The following GLI2 variants were observed in gnomAD, a reference collection of about 807,000 sequenced individuals.
The protein encoded by GLI2 is GLI family zinc finger 2, also known as transcription activator GLI2.
Under a neutral mutation model 78.9 loss-of-function variants are expected in GLI2, and 22 were observed. The ratio of observed to expected loss-of-function variants is 0.28; its 90% CI spans 0.20 to 0.40. GLI2 has a LOEUF of 0.40. GLI2 is among the 10% of genes least tolerant of loss of function. The probability of loss-of-function intolerance (pLI) is 1.00; values close to 1 mark genes in which losing one functional copy is unlikely to be tolerated. For missense variants in GLI2, 2,097 were observed against 2,213.2 expected, an observed-to-expected ratio of 0.95 and a Z score of 1.05; for synonymous variants, 974 against 963.7, an observed-to-expected ratio of 1.01 and a Z score of -0.20.
At chr2:120,972,817 T>A in intron 8 of GLI2, 1 of 444,966 alleles carries the variant, frequency 2.2e-6, no homozygotes, top group Non-Finnish European at 4.6e-6. Context: ...GCCTACCACG[T>A]GGCCCAGACC....
rs934354934 is a variant in GLI2 at position 120,985,507 on chromosome 2, G to A, written c.1905+764G>A. ...GGTCAAACAGAAAAATGTGGGTGGC[G>A]CCATGGACAACACCTAGAAGGTCCC... On this transcript the variant is annotated intron_variant, in intron 12 of 13. Transcript: ENST00000361492. Among the ~76,000 whole-genome samples the A allele has an allele frequency of 9.9e-5, 15 of 152,262 alleles. 1 individual carries two copies. The highest frequency in any genetic ancestry group is 6.2e-4 in the South Asian group (3 of 4,822).
At chr2:120,930,074 G>A (rs949266350) in intron 3 of GLI2, among the ~76,000 whole-genome samples, 2 of 152,216 alleles carry the variant, frequency 1.3e-5, no homozygotes, top group African/African-American at 4.8e-5. Context: ...CCCTGCACGG[G>A]ATGTTGGTCA....
intron 2 of GLI2, among the ~76,000 whole-genome samples, chr2:120,821,702 T>C (rs1342175404): frequency 6.6e-6 from 1 of 152,258 alleles, no homozygotes; most frequent in East Asian, 1.9e-4. Context: ...GACTATTACA[T>C]TGACTCAGAA....
Position 120,806,171 on chromosome 2 carries a change from A to G in GLI2, c.148+8703A>G, listed in dbSNP as rs58018929. Among the ~76,000 whole-genome samples, 611 of 152,162 alleles carry G rather than the reference A, an allele frequency of 4.0e-3. 5 individuals carry two copies. The highest frequency in any genetic ancestry group is 0.014 in the African/African-American group (577 of 41,520). On this transcript the variant is annotated intron_variant, in intron 2 of 13. Transcript: ENST00000361492. ...TTACTTGGGAGGGGGGGAAAGAGAT[A>G]ATTTATTTTATGTTTGTGGCCAGGT...
chr2:120,841,709 T>C (rs937916090), intron 2 of GLI2, among the ~76,000 whole-genome samples: 2 of 152,246 alleles, frequency 1.3e-5, no homozygotes, highest in African/African-American at 4.8e-5. Context: ...AGAGGAGAAC[T>C]GGACTTGCCT....
At chr2:120,837,532 A>G (rs996337873) in intron 2 of GLI2, among the ~76,000 whole-genome samples, 1 of 151,866 alleles carries the variant, frequency 6.6e-6, no homozygotes, top group Non-Finnish European at 1.5e-5. Context: ...AGTCGAGTGT[A>G]TGATTCTTTT....
intron 1 of GLI2, among the ~76,000 whole-genome samples, chr2:120,760,327 C>T (rs34698074): frequency 0.14 from 22,008 of 152,016 alleles, 1,617 homozygotes; most frequent in Middle Eastern, 0.21. Context: ...TGTGGGGGGT[C>T]CAAGGAGGTC....
intron 6 of GLI2, among the ~76,000 whole-genome samples, chr2:120,969,995 CAG>C (rs1468866259): frequency 1.3e-5 from 2 of 152,134 alleles, no homozygotes; most frequent in African/African-American, 2.4e-5. Context: ...CTGGGGGGCT[CAG>C]GGCAAGATTC....
intron 1 of GLI2, among the ~76,000 whole-genome samples, chr2:120,770,087 C>T (rs1307422259): frequency 2.6e-5 from 4 of 152,162 alleles, no homozygotes; most frequent in African/African-American, 9.7e-5. Flanking sequence ...TCACTGTTTT[C>T]GGGTTGTATT....
At chr2:120,777,525 C>T (rs1388313732) in intron 1 of GLI2, among the ~76,000 whole-genome samples, 2 of 149,450 alleles carry the variant, frequency 1.3e-5, no homozygotes. Flanking sequence ...CAGGGAGGGG[C>T]GCGGCAGGCA....
At chr2:120,955,216 C>T (rs774215957) in intron 4 of GLI2, 29 bp from the exon 5 acceptor site, 28 of 981,736 alleles carry the variant, frequency 2.9e-5, no homozygotes, top group Admixed American at 4.2e-5. Context: ...CAGGTTCTGA[C>T]GGCTTCTTTC....
rs185737558 is a variant in GLI2, at chr2:120,860,022, C to T, written c.148+62554C>T. ...AACATGTGCAAACAGTACTGAAGCA[C>T]GTGTAGAAACACAAGCCTTGCCCCT... On this transcript the variant is annotated intron_variant, in intron 2 of 13. Coordinates refer to ENST00000361492, the MANE Select transcript of GLI2 (RefSeq NM_001374353.1). Among the ~76,000 whole-genome samples, 5 of 152,292 alleles carry T rather than the reference C, an allele frequency of 3.3e-5. No individual in the cohort carries two copies. In the East Asian group the frequency reaches 5.8e-4, roughly 18 times the overall value.
chr2:120,963,258 G>A (rs1681671601), intron 5 of GLI2, among the ~76,000 whole-genome samples: 2 of 152,318 alleles, frequency 1.3e-5, no homozygotes, highest in South Asian at 4.1e-4. Context: ...CTGGGTTTTA[G>A]GCACTATTCT....
chr2:120,965,786 G>A (rs1394981455), intron 5 of GLI2, among the ~76,000 whole-genome samples: 5 of 152,218 alleles, frequency 3.3e-5, no homozygotes, highest in Non-Finnish European at 5.9e-5. Flanking sequence ...TGGCTGGGAG[G>A]TAGCCTGCTC....
At chr2:120,834,352 C>G (rs558885282) in intron 2 of GLI2, among the ~76,000 whole-genome samples, 3 of 152,202 alleles carry the variant, frequency 2.0e-5, no homozygotes, top group Non-Finnish European at 4.4e-5. Flanking sequence ...TTAGGGTTGG[C>G]CGGTTTGAAT....
intron 4 of GLI2, among the ~76,000 whole-genome samples, chr2:120,954,066 G>A (rs556689253): frequency 3.3e-5 from 5 of 152,222 alleles, no homozygotes; most frequent in Admixed American, 1.3e-4. Context: ...GACCAGATAC[G>A]CCAAGGCCTC....
intron 5 of GLI2, among the ~76,000 whole-genome samples, chr2:120,959,223 AC>A (rs1439236355): frequency 6.6e-6 from 1 of 151,706 alleles, no homozygotes; most frequent in Non-Finnish European, 1.5e-5. Context: ...ATCACACCCC[AC>A]CCGCTGTGCC....
intron 2 of GLI2, among the ~76,000 whole-genome samples, chr2:120,831,550 T>C (rs1384637198): frequency 1.3e-5 from 2 of 152,200 alleles, no homozygotes; most frequent in Non-Finnish European, 2.9e-5. Context: ...AGTACTTGAT[T>C]CCTTATTATG....
chr2:120,761,718 C>G (rs1329781704), intron 1 of GLI2, among the ~76,000 whole-genome samples: 2 of 152,206 alleles, frequency 1.3e-5, no homozygotes, highest in Non-Finnish European at 2.9e-5. Context: ...AGCTTCCTGC[C>G]TGCCCCACGG....
Sources: allele counts gnomAD v4.1 joint callset (sites outside exome capture counted in the v4.1 genomes callset), GRCh38; gene constraint gnomAD v4.1.1; transcripts MANE v1.5; gene names NCBI Gene and HGNC (gene_info 2026-07-23, HGNC 2026-07-21).